RORA: variants seen among roughly 807,000 people sequenced by gnomAD.
The protein encoded by RORA is nuclear receptor ROR-alpha.
In RORA, 7 loss-of-function variants were observed where a neutral mutation model predicts 69.5. The ratio of observed to expected loss-of-function variants is 0.10; its 90% CI spans 0.06 to 0.19. The LOEUF (loss-of-function observed/expected upper bound fraction) is 0.19. RORA is among the 10% of genes least tolerant of loss of function. The probability of loss-of-function intolerance (pLI) is 1.00; values close to 1 mark genes in which losing one functional copy is unlikely to be tolerated. For synonymous variants in RORA, 261 were observed against 240.8 expected, an observed-to-expected ratio of 1.08 and a Z score of -0.78; for missense variants, 457 against 663.0, an observed-to-expected ratio of 0.69 and a Z score of 3.41.
At position 60,928,034 on chromosome 15, in the gene RORA, C is replaced by G. The variant is rs532217883; in HGVS notation, c.167-249348G>C. On this transcript the variant is annotated intron_variant, in intron 1 of 10. Coordinates refer to ENST00000335670, the MANE Select transcript of RORA (RefSeq NM_134261.3). ...CTCTTGTTTGGACTACTGCAACAGT[C>G]ATCAAGCAAGATTTTCCTCCCATCC... 4.6e-5 allele frequency among the ~76,000 whole-genome samples: 7 copies of G among 152,290 alleles called. 1 individual carries two copies. The Middle Eastern group carries it at 0.017, about 370-fold the overall frequency.
chr15:60,977,316 AAC>A (rs1419558315), intron 1 of RORA, among the ~76,000 whole-genome samples: 1 of 152,186 alleles, frequency 6.6e-6, no homozygotes, highest in African/African-American at 2.4e-5. Flanking sequence ...CGAAATCACA[AAC>A]ACATGTCAGT....
chr15:61,200,395 G>A (rs2079884521), intron 1 of RORA, among the ~76,000 whole-genome samples: 1 of 152,098 alleles, frequency 6.6e-6, no homozygotes, highest in Non-Finnish European at 1.5e-5. Context: ...CCAAATAAAA[G>A]GGCAATAAAT....
At position 61,078,329 on chromosome 15, in the gene RORA, C is replaced by CTGTGTGTGTGTGTG. The variant is rs56676588; in HGVS notation, c.166+150710_166+150723dup. 6.8e-3 allele frequency among the ~76,000 whole-genome samples: 901 copies of CTGTGTGTGTGTGTG among 133,226 alleles called. 14 individuals carry two copies. Among genetic ancestry groups the CTGTGTGTGTGTGTG allele is most frequent in the East Asian group, 0.013 (53 of 4,240 alleles). 87.4% of individuals were successfully genotyped at this position (133,226 alleles called of 152,430 possible). ...CAGGCACGTGCCACCACACCTGGCT[C>CTGTGTGTGTGTGTG]TGTGTGTGTGTGTGTGTGTGTGTGT... On this transcript the variant is annotated intron_variant, in intron 1 of 10. Transcript: ENST00000335670.
At chr15:60,520,262 G>A (rs1353328412) in intron 3 of RORA, 3 of 152,132 alleles carry the variant, frequency 2.0e-5, no homozygotes, top group Non-Finnish European at 1.5e-5. Context: ...GTGAAGTGGG[G>A]TTATAAGGTG....
intron 2 of RORA, among the ~76,000 whole-genome samples, chr15:60,642,086 G>A (rs1596089375): frequency 6.6e-6 from 1 of 152,230 alleles, no homozygotes. Flanking sequence ...AGGTGAGCTC[G>A]GGCTGTGTGA....
chr15:60,910,045 T>C (rs1051636581), intron 1 of RORA, among the ~76,000 whole-genome samples: 4 of 152,186 alleles, frequency 2.6e-5, no homozygotes, highest in African/African-American at 9.7e-5. Context: ...AAAAATAAAA[T>C]TGTTTCCTGG....
intron 1 of RORA, among the ~76,000 whole-genome samples, chr15:61,069,448 C>T (rs1466005135): frequency 6.6e-6 from 1 of 151,958 alleles, no homozygotes; most frequent in African/African-American, 2.4e-5. Context: ...AGCAAAGTCA[C>T]AAAAAGAGAG....
chr15:60,757,368 A>G (rs1417310950), intron 1 of RORA, among the ~76,000 whole-genome samples: 1 of 152,170 alleles, frequency 6.6e-6, no homozygotes, highest in African/African-American at 2.4e-5. Flanking sequence ...AGGTTCAGGA[A>G]AACTCCTTCC....
At chr15:61,197,268 C>T (rs1464461542) in intron 1 of RORA, among the ~76,000 whole-genome samples, 1 of 152,212 alleles carries the variant, frequency 6.6e-6, no homozygotes, top group Non-Finnish European at 1.5e-5. Flanking sequence ...GAAAGAAAGG[C>T]ACTGAAACCC....
rs1178561973 is a variant in RORA, at chr15:60,488,700, A to C, written c.*8755T>G. ...GCTTGCATTTTTAGTGTGGCAGAAA[A>C]GGAGTTTTTACATACTGTACACAAA... is the stretch of plus-strand genomic sequence containing the variant. On this transcript the variant is annotated 3_prime_UTR_variant, in exon 11 of 11. Transcript: ENST00000335670. The C allele has an allele frequency of 5.3e-5, 8 of 152,240 alleles. No individual in the cohort carries two copies. The highest frequency in any genetic ancestry group is 1.2e-4 in the Non-Finnish European group (8 of 68,046). 9.4% of individuals were successfully genotyped at this position (152,240 alleles called of 1,614,324 possible).
intron 2 of RORA, among the ~76,000 whole-genome samples, chr15:60,674,402 T>C (rs2070521328): frequency 6.6e-6 from 1 of 152,218 alleles, no homozygotes; most frequent in Admixed American, 6.5e-5. Context: ...AATGAATGCC[T>C]ATGGAGAGGA....
At chr15:60,741,495 A>AT (rs1240075830) in intron 1 of RORA, among the ~76,000 whole-genome samples, 1 of 152,222 alleles carries the variant, frequency 6.6e-6, no homozygotes, top group Non-Finnish European at 1.5e-5. Context: ...CTTCTAGAGA[A>AT]TGGAATAAAG....
Position 61,163,555 on chromosome 15 carries a change from G to A in RORA, c.166+65498C>T, listed in dbSNP as rs537581422. ...GTCAGATAAAAACAATTCAAGATTC[G>A]TACTTCCTACTAAAGAAGGGGAGCC... On this transcript the variant is annotated intron_variant, in intron 1 of 10. Coordinates refer to ENST00000335670, the MANE Select transcript of RORA (RefSeq NM_134261.3). 2.6e-5 allele frequency among the ~76,000 whole-genome samples: 4 copies of A among 152,220 alleles called. No individual in the cohort carries two copies. The East Asian group carries it at 5.8e-4, about 22-fold the overall frequency.
intron 1 of RORA, among the ~76,000 whole-genome samples, chr15:60,901,930 G>C (rs978282331): frequency 6.6e-6 from 1 of 152,192 alleles, no homozygotes; most frequent in African/African-American, 2.4e-5. Flanking sequence ...AAGAATTGCT[G>C]TATTTTCCTC....
chr15:60,517,110 C>CTTTTTTTTTTT (rs34707279), intron 3 of RORA, among the ~76,000 whole-genome samples: 35 of 141,256 alleles, frequency 2.5e-4, no homozygotes, highest in African/African-American at 9.3e-4. Flanking sequence ...TTCATCTGTG[C>CTTTTTTTTTTT]TTTTTTTTTT....
chr15:60,806,958 C>T (rs1212436156), intron 1 of RORA, among the ~76,000 whole-genome samples: 5 of 152,108 alleles, frequency 3.3e-5, no homozygotes, highest in African/African-American at 1.2e-4. Context: ...CAACATTATA[C>T]TGAATGGGGA....
intron 3 of RORA, among the ~76,000 whole-genome samples, chr15:60,526,185 G>A (rs1430587944): frequency 5.9e-5 from 9 of 152,180 alleles, no homozygotes; most frequent in African/African-American, 1.2e-4. Flanking sequence ...CCTGAGCTAC[G>A]TTTTTGTTCA....
At chr15:60,504,061 A>G (rs2065416013) in intron 6 of RORA, among the ~76,000 whole-genome samples, 1 of 151,846 alleles carries the variant, frequency 6.6e-6, no homozygotes, top group Non-Finnish European at 1.5e-5. Context: ...TGGGCCTCCC[A>G]AAGTGCTGGG....
At chr15:61,211,751 C>T (rs968039092) in intron 1 of RORA, among the ~76,000 whole-genome samples, 2 of 152,166 alleles carry the variant, frequency 1.3e-5, no homozygotes, top group African/African-American at 4.8e-5. Flanking sequence ...ATAAAGTCAG[C>T]CTATTTGGAT....
Sources: allele counts gnomAD v4.1 joint callset (sites outside exome capture counted in the v4.1 genomes callset), GRCh38; gene constraint gnomAD v4.1.1; transcripts MANE v1.5; gene names NCBI Gene and HGNC (gene_info 2026-07-23, HGNC 2026-07-21).